CLXN: variants seen among roughly 807,000 people sequenced by gnomAD.
CLXN encodes calaxin.
At chr8:48,731,360 T>C in the CLXN span, 1 of 1,611,800 alleles carries the variant, frequency 6.2e-7, no homozygotes, top group East Asian at 2.2e-5. Context: ...CTGTCCATAA[T>C]CATGTCATCT....
chr8:48,735,196 C>A, the CLXN span: 1 of 1,610,582 alleles, frequency 6.2e-7, no homozygotes, highest in South Asian at 1.1e-5. Flanking sequence ...TCTCTGGGCG[C>A]GCGGCTACCG....
At chr8:48,729,122 A>C in the CLXN span, 6 of 1,613,518 alleles carry the variant, frequency 3.7e-6, no homozygotes, top group South Asian at 5.5e-5. Context: ...TCTGCAAAAG[A>C]CAGCTTCCCA....
the CLXN span, among the ~76,000 whole-genome samples, chr8:48,722,765 TAC>T: frequency 4.0e-5 from 6 of 149,436 alleles, no homozygotes; most frequent in South Asian, 4.3e-4. Flanking sequence ...GTCTCCCCAT[TAC>T]ACACACACAC....
chr8:48,725,780 G>A, the CLXN span, among the ~76,000 whole-genome samples: 6 of 151,044 alleles, frequency 4.0e-5, no homozygotes, highest in African/African-American at 7.3e-5. Context: ...CTGCAGCCTG[G>A]GCAACAAGAG....
the CLXN span, among the ~76,000 whole-genome samples, chr8:48,717,697 A>G: frequency 6.6e-5 from 10 of 152,226 alleles, 1 homozygote; most frequent in African/African-American, 2.4e-4. Flanking sequence ...AAAGATAAAC[A>G]TTTAGTAAGA....
At chr8:48,712,206 C>G in the CLXN span, 2 of 152,224 alleles carry the variant, frequency 1.3e-5, no homozygotes, top group Admixed American at 1.3e-4. Flanking sequence ...CTGCTTACTT[C>G]CACACTGTTC....
At chr8:48,718,923 G>T in the CLXN span, among the ~76,000 whole-genome samples, 50 of 151,974 alleles carry the variant, frequency 3.3e-4, no homozygotes, top group Admixed American at 2.6e-4. Flanking sequence ...TAAGCCCAAA[G>T]TTAGCAGAAC....
chr8:48,718,602 A>C, the CLXN span, among the ~76,000 whole-genome samples: 1 of 152,198 alleles, frequency 6.6e-6, no homozygotes, highest in African/African-American at 2.4e-5. Flanking sequence ...AATCATTACA[A>C]GTATCTTTTC....
the CLXN span, chr8:48,729,133 T>C: frequency 1.2e-6 from 2 of 1,613,138 alleles, no homozygotes; most frequent in Non-Finnish European, 1.7e-6. Context: ...CAGCTTCCCA[T>C]CATGGTCATG....
At chr8:48,729,035 T>A in the CLXN span, 1 of 1,601,182 alleles carries the variant, frequency 6.2e-7, no homozygotes, top group Non-Finnish European at 8.5e-7. Flanking sequence ...GAAAGTCATA[T>A]CAATACCTTT....
chr8:48,712,030 C>T, the CLXN span, among the ~76,000 whole-genome samples: 24 of 152,216 alleles, frequency 1.6e-4, 1 homozygote, highest in South Asian at 6.2e-4. Context: ...TAATTTATTC[C>T]ATTTTCTGAC....
the CLXN span, chr8:48,714,965 A>G: frequency 3.3e-5 from 5 of 152,226 alleles, no homozygotes; most frequent in African/African-American, 1.2e-4. Flanking sequence ...ATGATGGAAT[A>G]CCAGGCAGCC....
At chr8:48,728,577 C>T in the CLXN span, among the ~76,000 whole-genome samples, 2 of 152,188 alleles carry the variant, frequency 1.3e-5, no homozygotes, top group African/African-American at 2.4e-5. Context: ...TTGGTTTCCT[C>T]ATCTGGAAAA....
the CLXN span, chr8:48,731,519 A>G: frequency 6.4e-7 from 1 of 1,574,100 alleles, no homozygotes. Flanking sequence ...ATAATAAAAT[A>G]GATATAACAA....
At chr8:48,729,978 T>A in the CLXN span, 4 of 1,014,882 alleles carry the variant, frequency 3.9e-6, no homozygotes, top group Non-Finnish European at 5.6e-6. Context: ...TACCCACAGG[T>A]CTTAGTGCAG....
chr8:48,719,213 G>T, the CLXN span, among the ~76,000 whole-genome samples: 2 of 151,984 alleles, frequency 1.3e-5, no homozygotes, highest in East Asian at 3.9e-4. Context: ...CTACCAAACT[G>T]AATTAGGAAG....
At chr8:48,731,518 T>G in the CLXN span, 12 of 1,575,754 alleles carry the variant, frequency 7.6e-6, no homozygotes, top group Admixed American at 7.4e-5. Context: ...AATAATAAAA[T>G]AGATATAACA....
chr8:48,726,749 C>T, the CLXN span, among the ~76,000 whole-genome samples: 1 of 149,640 alleles, frequency 6.7e-6, no homozygotes, highest in Non-Finnish European at 1.5e-5. Flanking sequence ...CCTCACCCAT[C>T]CATCCATCCA....
the CLXN span, chr8:48,729,267 G>T: frequency 1.3e-6 from 1 of 763,308 alleles, no homozygotes; most frequent in Non-Finnish European, 2.1e-6. Context: ...GCTCAGGCCT[G>T]TAATCATAGC....
Sources: gnomAD v4.1 joint callset for allele counts (sites outside exome capture counted in the v4.1 genomes callset) on GRCh38, gnomAD v4.1.1 for gene constraint, MANE v1.5 for transcripts, NCBI Gene and HGNC (gene_info 2026-07-23, HGNC 2026-07-21) for gene names.